Variants in HMCN1 observed in about 807,000 individuals in gnomAD.
HMCN1 encodes the protein hemicentin-1.
A neutral mutation model predicts 625.9 loss-of-function variants in HMCN1; 321 were observed. That is an observed-to-expected ratio of 0.51 (90% confidence interval 0.47 to 0.56). The LOEUF (loss-of-function observed/expected upper bound fraction) is 0.56, where lower values mean the gene tolerates loss of function less well. HMCN1 is among the 20% of genes least tolerant of loss of function. HMCN1 has a pLI of 0.00. For synonymous variants in HMCN1, 2,425 were observed against 2,417.6 expected (o/e 1.00, Z -0.09); for missense variants, 6,588 against 6,887.3 (o/e 0.96, Z 1.54).
intron 4 of HMCN1, among the ~76,000 whole-genome samples, chr1:185,866,953 G>T (rs987294476): frequency 6.6e-6 from 1 of 151,446 alleles, no homozygotes; most frequent in Non-Finnish European, 1.5e-5. Context: ...ATTCATATTT[G>T]ATTCATGTGG....
At chr1:185,856,789 C>T (rs767085241) in intron 2 of HMCN1, among the ~76,000 whole-genome samples, 23 of 152,124 alleles carry the variant, frequency 1.5e-4, no homozygotes, top group Middle Eastern at 3.4e-3. Context: ...GATATAAAAA[C>T]GAGTTCAATG....
At position 185,804,160 on chromosome 1, in the gene HMCN1, A is replaced by G. The variant is rs542026885; in HGVS notation, c.269-41866A>G. Among the ~76,000 whole-genome samples the G allele has an allele frequency of 1.2e-4, 18 of 152,150 alleles. No homozygotes were observed. In the South Asian group the frequency reaches 1.9e-3, roughly 16 times the overall value. ...GAAATGGCTAAAGAGGGCATTTTAT[A>G]TGCTCTATGTTTTCAAAGTATAATT... is the stretch of plus-strand genomic sequence containing the variant. On this transcript the variant is annotated intron_variant, in intron 1 of 106. Coordinates refer to ENST00000271588, the MANE Select transcript of HMCN1 (RefSeq NM_031935.3).
intron 71 of HMCN1, among the ~76,000 whole-genome samples, chr1:186,110,645 T>C (rs1466425498): frequency 1.3e-5 from 2 of 152,176 alleles, no homozygotes; most frequent in Admixed American, 6.5e-5. Context: ...GTATGTGTAT[T>C]TGCTGAAAGA....
chr1:186,160,938 C>T (rs1376445153), intron 97 of HMCN1, among the ~76,000 whole-genome samples: 1 of 151,640 alleles, frequency 6.6e-6, no homozygotes, highest in South Asian at 2.1e-4. Flanking sequence ...CTATTAGGTC[C>T]ACTTGGTGCA....
At chr1:185,875,530 T>G (rs1222525411) in intron 4 of HMCN1, among the ~76,000 whole-genome samples, 1 of 152,184 alleles carries the variant, frequency 6.6e-6, no homozygotes, top group Non-Finnish European at 1.5e-5. Flanking sequence ...TGTTCTTCAC[T>G]CAATTAGAAC....
intron 14 of HMCN1, among the ~76,000 whole-genome samples, chr1:185,968,441 T>A (rs1373895885): frequency 6.6e-6 from 1 of 151,364 alleles, no homozygotes; most frequent in African/African-American, 2.4e-5. Flanking sequence ...TAAAAATAAG[T>A]GAATGCATGT....
chr1:186,157,252 G>A (rs1484384982), intron 97 of HMCN1, among the ~76,000 whole-genome samples: 1 of 151,932 alleles, frequency 6.6e-6, no homozygotes, highest in Non-Finnish European at 1.5e-5. Context: ...GCTTTTCAAG[G>A]TTTCTATTAC....
Position 186,015,383 on chromosome 1 carries a change from C to T in HMCN1, c.4855C>T (p.His1619Tyr). Reference sequence around the variant, plus strand: ...CTCTGATTCAGCAACATATACGTGTCATGTAGCCAATGTTGCTGGAACTGC... The same window carrying T: ...CTCTGATTCAGCAACATATACGTGTTATGTAGCCAATGTTGCTGGAACTGC... Reference protein sequence around the residue: ...QVSDSATYTCHVANVAGTAEK... With the variant: ...QVSDSATYTCYVANVAGTAEK... The change falls in exon 31 of 107, where the codon CAT (histidine) becomes TAT (tyrosine). Residue 1619 changes from histidine to tyrosine, a missense_variant. By Grantham distance (83) the His-to-Tyr change is moderately conservative. This residue lies in a region of HMCN1 where 4,628 missense variants were observed against 4,853.1 expected (regional missense o/e 0.95). Coordinates refer to ENST00000271588, the MANE Select transcript of HMCN1 (RefSeq NM_031935.3). The T allele has an allele frequency of 6.2e-7, 1 of 1,613,512 alleles. No individual in the cohort carries two copies. Among genetic ancestry groups the T allele is most frequent in the Non-Finnish European group, 8.5e-7 (1 of 1,179,576 alleles).
At chr1:186,063,082 A>ATATATATATC (rs1657846667) in intron 48 of HMCN1, among the ~76,000 whole-genome samples, 1 of 120,212 alleles carries the variant, frequency 8.3e-6, no homozygotes, top group African/African-American at 3.6e-5. Context: ...ATATATATAT[A>ATATATATATC]TATATATATA....
chr1:185,952,233 A>G (rs1270942054), intron 11 of HMCN1, among the ~76,000 whole-genome samples: 1 of 151,842 alleles, frequency 6.6e-6, no homozygotes, highest in African/African-American at 2.4e-5. Flanking sequence ...GGGGAGGGCT[A>G]GTCACGGAAT....
intron 11 of HMCN1, among the ~76,000 whole-genome samples, chr1:185,946,849 T>C (rs1668372786): frequency 6.6e-6 from 1 of 152,220 alleles, no homozygotes; most frequent in African/African-American, 2.4e-5. Context: ...CTTTGCCATG[T>C]ATATATACAT....
At chr1:185,961,632 T>G (rs1380865972) in intron 11 of HMCN1, among the ~76,000 whole-genome samples, 3 of 152,242 alleles carry the variant, frequency 2.0e-5, no homozygotes, top group Admixed American at 6.5e-5. Context: ...AGATTAATTC[T>G]TATTGTGTAA....
chr1:186,074,961 A>C (rs909262624), intron 53 of HMCN1, 70 bp downstream of exon 53: 1 of 1,329,916 alleles, frequency 7.5e-7, no homozygotes, highest in South Asian at 1.2e-5. Flanking sequence ...AAGAGATTTG[A>C]CTTATTTTAA....
chr1:185,929,100 TAA>T (rs1335926366), intron 10 of HMCN1, among the ~76,000 whole-genome samples: 1 of 152,102 alleles, frequency 6.6e-6, no homozygotes, highest in Non-Finnish European at 1.5e-5. Flanking sequence ...CGTGAGAAAA[TAA>T]AGTTTAAGTG....
intron 1 of HMCN1, among the ~76,000 whole-genome samples, chr1:185,833,879 C>T (rs1328535867): frequency 6.6e-6 from 1 of 152,118 alleles, no homozygotes; most frequent in African/African-American, 2.4e-5. Context: ...TTAGCCTCTT[C>T]TAAAGTTGGT....
chr1:186,088,332 T>C (rs1659646040), intron 62 of HMCN1, 56 bp downstream of exon 62: 5 of 1,609,718 alleles, frequency 3.1e-6, no homozygotes, highest in Non-Finnish European at 4.2e-6. Flanking sequence ...TGCTCTTAAT[T>C]CACTAGACTT....
chr1:185,929,725 G>T (rs772102548), intron 10 of HMCN1, among the ~76,000 whole-genome samples: 2 of 152,138 alleles, frequency 1.3e-5, no homozygotes, highest in Non-Finnish European at 2.9e-5. Context: ...AGTTTAAGGT[G>T]AACCTTAAAG....
At chr1:185,882,092 A>G (rs1571495604) in intron 4 of HMCN1, among the ~76,000 whole-genome samples, 1 of 152,214 alleles carries the variant, frequency 6.6e-6, no homozygotes, top group East Asian at 1.9e-4. Context: ...TTGAAGATCT[A>G]TCAGAGTTAA....
chr1:185,974,761 G>A (rs1339868230), intron 15 of HMCN1, among the ~76,000 whole-genome samples: 2 of 152,208 alleles, frequency 1.3e-5, no homozygotes, highest in East Asian at 3.9e-4. Context: ...ATTCTCATTT[G>A]CCTTGTTTTG....
Sources: allele counts gnomAD v4.1 joint callset (sites outside exome capture counted in the v4.1 genomes callset), GRCh38; gene constraint gnomAD v4.1.1; regional missense constraint gnomAD v4.1.1; transcripts MANE v1.5; gene names NCBI Gene and HGNC (gene_info 2026-07-23, HGNC 2026-07-21).